TGM4: variants seen among roughly 807,000 people sequenced by gnomAD.
TGM4 encodes transglutaminase 4.
TGM4 carries 61 observed loss-of-function variants against 76.3 expected under a neutral mutation model. The observed-to-expected ratio is 0.80, with a 90% CI of 0.65 to 0.99. TGM4 has a LOEUF of 0.99. TGM4 is among the 50% of genes least tolerant of loss of function. The pLI, the probability that TGM4 is intolerant of heterozygous loss-of-function variation, is 0.00. For synonymous variants in TGM4, 337 were observed against 329.8 expected, an observed-to-expected ratio of 1.02 and a Z score of -0.24; for missense variants, 794 against 843.2, an observed-to-expected ratio of 0.94 and a Z score of 0.72.
chr3:44,913,987 A>C lies in TGM4; in HGVS notation c.*262A>C. The C allele has an allele frequency of 1.3e-5, 5 of 377,552 alleles. No individual in the cohort carries two copies. The highest frequency in any genetic ancestry group is 1.4e-5 in the Non-Finnish European group (3 of 211,420). The allele number at this position is 377,552 out of a possible 1,614,324, so 23.4% of individuals were successfully genotyped here. ...CCTTTCCTGAGTCATGGCCTCAAAA[A>C]TCAGGGCCACCATTGTCTCAATTCA... On this transcript the variant is annotated 3_prime_UTR_variant, in exon 14 of 14. Transcript: ENST00000296125.
intron 12 of TGM4, 68 bp from the exon 13 acceptor site, chr3:44,911,202 A>C (rs1285953420): frequency 1.2e-6 from 2 of 1,609,568 alleles, no homozygotes; most frequent in Non-Finnish European, 1.7e-6. Flanking sequence ...GCCCCTAAGA[A>C]CCCTGAGGGT....
intron 2 of TGM4, among the ~76,000 whole-genome samples, chr3:44,887,394 C>G (rs77351226): frequency 1.3e-5 from 2 of 152,122 alleles, no homozygotes; most frequent in Non-Finnish European, 2.9e-5. Flanking sequence ...AATGGTAACT[C>G]GAATGAGCAT....
chr3:44,901,200 A>T (rs1159686477), intron 6 of TGM4, among the ~76,000 whole-genome samples: 1 of 152,214 alleles, frequency 6.6e-6, no homozygotes, highest in African/African-American at 2.4e-5. Context: ...AGCTCACACC[A>T]CTGTACTCCA....
chr3:44,889,228 C>T (rs535366821), intron 3 of TGM4: 4 of 140,926 alleles, frequency 2.8e-5, no homozygotes, highest in African/African-American at 8.1e-5. Context: ...ATGGTGGGCA[C>T]GTGTAGTTCC....
At position 44,887,690 on chromosome 3, in the gene TGM4, G is replaced by T. The variant is rs752906129; in HGVS notation, c.195G>T (p.Gly65=). ...ATGTTTTCCTTTGGGTGTCTCCAGG[G>T]CCGAATCCTAGCATCGCCAAACACA... ...YHQLKLEFST[G]PNPSIAKHTL... is the part of the protein sequence containing the mutation. Residue 65 remains glycine (G), a splice_region_variant and synonymous_variant, in exon 3 of 14, where the codon GGG becomes GGT. Coordinates refer to ENST00000296125, the MANE Select transcript of TGM4 (RefSeq NM_003241.4). The T allele has an allele frequency of 6.2e-7, 1 of 1,613,722 alleles. No individual in the cohort carries two copies. Among genetic ancestry groups the T allele is most frequent in the Non-Finnish European group, 8.5e-7 (1 of 1,179,794 alleles).
intron 3 of TGM4, 54 bp from the exon 4 acceptor site, chr3:44,890,549 A>G: frequency 1.3e-6 from 2 of 1,595,064 alleles, no homozygotes; most frequent in Non-Finnish European, 1.7e-6. Flanking sequence ...CATTTGTAAG[A>G]TTTGGGATCT....
intron 6 of TGM4, among the ~76,000 whole-genome samples, chr3:44,898,308 C>T (rs1416265225): frequency 2.0e-5 from 3 of 149,164 alleles, no homozygotes; most frequent in Non-Finnish European, 4.4e-5. Context: ...AGAAGCGGGG[C>T]GGGGGCAGGA....
chr3:44,910,365 C>T lies in TGM4; in HGVS notation c.1603C>T (p.Gln535Ter). 1 of 1,613,110 alleles carries T rather than the reference C, an allele frequency of 6.2e-7. No individual in the cohort carries two copies. Among genetic ancestry groups the T allele is most frequent in the African/African-American group, 1.3e-5 (1 of 75,010 alleles). ...CAATAAGACCTCGCAGATCCAAGGT[C>T]AAGGTACCAGAACCAGAGGGAGGAG... ...DLNKTSQIQG[Q>*]VSEVTLTLDS... Residue 535 changes from glutamine to a stop codon, truncating the protein, a stop_gained, in exon 11 of 14, where the codon CAA becomes TAA. Transcript: ENST00000296125. LOFTEE classifies it high-confidence loss of function.
chr3:44,907,245 C>G (rs1253582596), intron 10 of TGM4, 45 bp downstream of exon 10: 1 of 1,597,890 alleles, frequency 6.3e-7, no homozygotes, highest in Non-Finnish European at 8.5e-7. Flanking sequence ...CCTGAGTCAC[C>G]CAGAACATGA....
intron 5 of TGM4, among the ~76,000 whole-genome samples, chr3:44,896,263 C>A (rs1048891915): frequency 1.3e-5 from 2 of 152,176 alleles, no homozygotes; most frequent in African/African-American, 4.8e-5. Context: ...AGGCATGCAC[C>A]ACCACGCCCG....
chr3:44,901,886 A>G lies in TGM4; in HGVS notation c.926A>G (p.Asn309Ser). ...ERNLTVDTYVNENGEKITSMT... is the reference protein window; with the variant it reads ...ERNLTVDTYVSENGEKITSMT... ...AACCTCACGGTGGACACCTATGTGA[A>G]TGAGAATGGCGAGAAAATCACCAGT... The change falls in exon 8 of 14, where the codon AAT becomes AGT. Residue 309 changes from asparagine (N) to serine (S), a missense_variant. Asn to Ser is a conservative substitution (Grantham distance 46). Transcript: ENST00000296125. The G allele has an allele frequency of 6.2e-7, 1 of 1,614,206 alleles. No homozygotes were observed. The highest frequency in any genetic ancestry group is 1.1e-5 in the South Asian group (1 of 91,088).
intron 1 of TGM4, among the ~76,000 whole-genome samples, chr3:44,880,642 T>C (rs1011254638): frequency 1.6e-4 from 25 of 152,208 alleles, no homozygotes; most frequent in Non-Finnish European, 2.6e-4. Flanking sequence ...TAGGCAGGTC[T>C]TCCAAGAGTC....
intron 8 of TGM4, among the ~76,000 whole-genome samples, chr3:44,902,160 G>A (rs1355546527): frequency 6.6e-6 from 1 of 152,300 alleles, no homozygotes; most frequent in East Asian, 1.9e-4. Flanking sequence ...TCCCAACCCA[G>A]AGATTCTGCT....
At chr3:44,902,472 T>C (rs941334790) in intron 8 of TGM4, among the ~76,000 whole-genome samples, 2 of 152,108 alleles carry the variant, frequency 1.3e-5, no homozygotes, top group Non-Finnish European at 2.9e-5. Flanking sequence ...TAGTGGCACG[T>C]GCCTGTAATC....
At chr3:44,910,577 C>G (rs1197090867) in intron 11 of TGM4, among the ~76,000 whole-genome samples, 1 of 152,162 alleles carries the variant, frequency 6.6e-6, no homozygotes, top group Non-Finnish European at 1.5e-5. Flanking sequence ...GGACTAGGAG[C>G]CTGGGTCTAT....
At chr3:44,903,785 G>T in intron 8 of TGM4, 99 bp from the exon 9 acceptor site, 1 of 1,102,312 alleles carries the variant, frequency 9.1e-7, no homozygotes, top group Non-Finnish European at 1.4e-6. Flanking sequence ...ACCTCAGTGG[G>T]TCCCCGGTGA....
intron 2 of TGM4, among the ~76,000 whole-genome samples, chr3:44,887,314 A>G (rs949114135): frequency 2.0e-5 from 3 of 152,224 alleles, no homozygotes; most frequent in Non-Finnish European, 4.4e-5. Flanking sequence ...GTGAAGGTTA[A>G]GCAGTTCCCC....
chr3:44,874,816 C>CT, intron 1 of TGM4, 119 bp downstream of exon 1: 1 of 1,193,866 alleles, frequency 8.4e-7, no homozygotes, highest in Non-Finnish European at 1.2e-6. Context: ...ACTTGTGGCC[C>CT]TGGTGCTGCT....
At position 44,901,775 on chromosome 3, in the gene TGM4, C is replaced by A. The variant is rs751232950; in HGVS notation, c.833-18C>A. ...CAGCCCCCACAGTTGCCAACCACCC[C>A]ACCCTGGATCATTTCAGTGCTGAGA... is the stretch of plus-strand genomic sequence containing the variant. On this transcript the variant is annotated intron_variant, in intron 7 of 13. Transcript: ENST00000296125. The A allele has an allele frequency of 1.2e-6, 2 of 1,613,820 alleles. No individual in the cohort carries two copies. The highest frequency in any genetic ancestry group is 1.7e-6 in the Non-Finnish European group (2 of 1,179,804).
Sources: gnomAD v4.1 joint callset for allele counts (sites outside exome capture counted in the v4.1 genomes callset) on GRCh38, gnomAD v4.1.1 for gene constraint, MANE v1.5 for transcripts, NCBI Gene and HGNC (gene_info 2026-07-23, HGNC 2026-07-21) for gene names.